Variants in SRGAP2C observed in about 807,000 individuals in gnomAD.
SRGAP2C encodes the protein SLIT-ROBO Rho GTPase-activating protein 2C.
Under a neutral mutation model 25.1 loss-of-function variants are expected in SRGAP2C, and 15 were observed. The ratio of observed to expected loss-of-function variants is 0.60; its 90% CI spans 0.40 to 0.92. The LOEUF is 0.92. SRGAP2C is among the 40% of genes least tolerant of loss of function. The pLI is 0.00. For missense variants in SRGAP2C, 144 were observed against 264.4 expected (o/e 0.54, Z 3.16); for synonymous variants, 44 against 96.6 (o/e 0.46, Z 3.19).
At chr1:121,229,260 C>A (rs1655758388) in intron 2 of SRGAP2C, among the ~76,000 whole-genome samples, 1 of 104,326 alleles carries the variant, frequency 9.6e-6, no homozygotes, top group Non-Finnish European at 1.9e-5. Context: ...GTTTTTTACA[C>A]CTACTGCCAG....
chr1:121,335,391 A>AT (rs1658492086), intron 4 of SRGAP2C, among the ~76,000 whole-genome samples: 148 of 135,386 alleles, frequency 1.1e-3, no homozygotes, highest in Middle Eastern at 3.8e-3. Context: ...AATAAATAAA[A>AT]CAACCAATTC....
chr1:121,295,731 G>GT (rs1553338182), intron 3 of SRGAP2C, among the ~76,000 whole-genome samples: 1 of 149,194 alleles, frequency 6.7e-6, no homozygotes, highest in African/African-American at 2.5e-5. Context: ...GGGCTTTTTT[G>GT]TTTTTGTTGT....
intron 3 of SRGAP2C, among the ~76,000 whole-genome samples, chr1:121,312,674 T>C (rs1299162775): frequency 0.18 from 9,283 of 50,686 alleles, 665 homozygotes; most frequent in East Asian, 0.25. Flanking sequence ...GCCTTCATTT[T>C]GTTATGTACC....
chr1:121,362,122 C>T (rs1203759968), intron 4 of SRGAP2C: 1 of 56,610 alleles, frequency 1.8e-5, no homozygotes, highest in Non-Finnish European at 3.6e-5. Context: ...CTCTGTCAAC[C>T]CCACTGCAGT....
intron 2 of SRGAP2C, among the ~76,000 whole-genome samples, chr1:121,265,890 G>C (rs1558100231): frequency 6.6e-6 from 1 of 151,706 alleles, no homozygotes; most frequent in Non-Finnish European, 1.5e-5. Context: ...TGGATGGCTT[G>C]GTACTGTTTT....
intron 4 of SRGAP2C, among the ~76,000 whole-genome samples, chr1:121,335,385 A>T (rs1658490766): frequency 6.9e-6 from 1 of 144,502 alleles, no homozygotes; most frequent in African/African-American, 2.6e-5. Context: ...TAAATAAATA[A>T]ATAAAACAAC....
chr1:121,258,511 G>A (rs1553332904), intron 2 of SRGAP2C, among the ~76,000 whole-genome samples: 2 of 149,840 alleles, frequency 1.3e-5, no homozygotes, highest in Non-Finnish European at 3.0e-5. Flanking sequence ...TGTTGCCCAG[G>A]CTGGAGTGCA....
At chr1:121,191,695 T>G (rs1456172296) in intron 2 of SRGAP2C, among the ~76,000 whole-genome samples, 2 of 152,138 alleles carry the variant, frequency 1.3e-5, no homozygotes, top group African/African-American at 2.4e-5. Context: ...CTGTAATGAC[T>G]GTATACAGTC....
chr1:121,345,649 CTT>C (rs782110661), intron 4 of SRGAP2C, among the ~76,000 whole-genome samples: 2 of 95,764 alleles, frequency 2.1e-5, no homozygotes, highest in African/African-American at 4.2e-5. Context: ...GGTTGCTCTT[CTT>C]TTTTTTTTTT....
intron 4 of SRGAP2C, among the ~76,000 whole-genome samples, chr1:121,354,256 TCTC>T (rs1658992615): frequency 2.3e-5 from 1 of 44,012 alleles, no homozygotes; most frequent in Non-Finnish European, 4.4e-5. Flanking sequence ...TCTTTCTTTC[TCTC>T]TCCTTTCTTT....
intron 4 of SRGAP2C, among the ~76,000 whole-genome samples, chr1:121,335,844 A>C (rs1658503970): frequency 6.6e-6 from 1 of 151,502 alleles, no homozygotes; most frequent in South Asian, 2.1e-4. Context: ...CATGCCTACT[A>C]ATCTTTTATT....
At chr1:121,315,157 T>G (rs1180444093) in intron 3 of SRGAP2C, 8 of 396,176 alleles carry the variant, frequency 2.0e-5, no homozygotes, top group South Asian at 1.7e-4. Context: ...TATTTATTTA[T>G]TTTTTAAGAG....
At chr1:121,275,375 G>A (rs1204738007) in intron 2 of SRGAP2C, among the ~76,000 whole-genome samples, 4 of 99,398 alleles carry the variant, frequency 4.0e-5, no homozygotes, top group Non-Finnish European at 8.2e-5. Flanking sequence ...CTTGTCACTA[G>A]CAATGAATCA....
At chr1:121,223,978 C>T (rs1368543484) in intron 2 of SRGAP2C, among the ~76,000 whole-genome samples, 2 of 151,108 alleles carry the variant, frequency 1.3e-5, no homozygotes, top group Non-Finnish European at 2.9e-5. Flanking sequence ...TGTCACTACT[C>T]ACCTCATTTT....
intron 3 of SRGAP2C, among the ~76,000 whole-genome samples, chr1:121,307,240 C>G (rs1165672510): frequency 6.9e-6 from 1 of 145,204 alleles, no homozygotes; most frequent in Non-Finnish European, 1.5e-5. Context: ...GCTGGGAATG[C>G]AGGTGTGAGG....
At chr1:121,345,556 A>G (rs587598707) in intron 4 of SRGAP2C, among the ~76,000 whole-genome samples, 81 of 151,808 alleles carry the variant, frequency 5.3e-4, no homozygotes, top group African/African-American at 1.8e-3. Context: ...ATTTTGTGCT[A>G]TAGATTTAAA....
Position 121,335,444 on chromosome 1 carries a change from A to AT in SRGAP2C, c.423+10812dup, listed in dbSNP as rs1187242907. Among the ~76,000 whole-genome samples the AT allele has an allele frequency of 1.1e-4, 15 of 134,998 alleles. 1 individual carries two copies. Among genetic ancestry groups the AT allele is most frequent in the African/African-American group, 3.7e-4 (13 of 35,380 alleles). 88.6% of individuals were successfully genotyped at this position (134,998 alleles called of 152,430 possible). ...AGATGCTATAAATGCCATCCAATGA[A>AT]TTTTTTTTATTTCAGATTTTTTTTT... On this transcript the variant is annotated intron_variant, in intron 4 of 9. Coordinates refer to ENST00000367123, the MANE Select transcript of SRGAP2C (RefSeq NM_001329984.2).
At chr1:121,213,182 A>T (rs1553324152) in intron 2 of SRGAP2C, among the ~76,000 whole-genome samples, 1 of 146,664 alleles carries the variant, frequency 6.8e-6, no homozygotes, top group Non-Finnish European at 1.5e-5. Context: ...GGTAGCTGGG[A>T]TTACAAGCGT....
chr1:121,303,538 CG>C (rs1227341037), intron 3 of SRGAP2C, among the ~76,000 whole-genome samples: 39 of 151,474 alleles, frequency 2.6e-4, no homozygotes, highest in African/African-American at 9.2e-4. Context: ...CAGAGAGCCT[CG>C]GTTGCTTTTA....
Sources: allele counts gnomAD v4.1 joint callset (sites outside exome capture counted in the v4.1 genomes callset), GRCh38; gene constraint gnomAD v4.1.1; transcripts MANE v1.5; gene names NCBI Gene and HGNC (gene_info 2026-07-23, HGNC 2026-07-21).